SAMMSON: variants seen among roughly 807,000 people sequenced by gnomAD.
The protein encoded by SAMMSON is survival associated mitochondrial melanoma specific oncogenic non-coding RNA.
rs187753360 is a variant in SAMMSON at position 70,220,582 on chromosome 3, G to A, written n.508-28525G>A. 6.6e-5 allele frequency among the ~76,000 whole-genome samples: 10 copies of A among 152,268 alleles called. No individual in the cohort carries two copies. The East Asian group carries it at 1.7e-3, about 27-fold the overall frequency. ...TCAACATACAAAACTAACCCTGGTT[G>A]GAAACATAGTCAGGACCCAGGAAGT... is the stretch of plus-strand genomic sequence containing the variant. On this transcript the variant is annotated intron_variant and non_coding_transcript_variant, in intron 4 of 9. Coordinates refer to ENST00000642114, the Ensembl canonical transcript of SAMMSON.
At chr3:70,304,577 C>T (rs1257471952) in intron 7 of SAMMSON, among the ~76,000 whole-genome samples, 1 of 152,180 alleles carries the variant, frequency 6.6e-6, no homozygotes, top group Non-Finnish European at 1.5e-5. Flanking sequence ...CTTTGTATCA[C>T]CCCACACTAA....
intron 7 of SAMMSON, among the ~76,000 whole-genome samples, chr3:70,307,407 C>A (rs367614649): frequency 3.3e-5 from 5 of 152,064 alleles, no homozygotes; most frequent in African/African-American, 1.2e-4. Flanking sequence ...GTTTCTCTTC[C>A]GTATCAAATG....
chr3:70,192,832 A>G (rs1255505186), intron 4 of SAMMSON, among the ~76,000 whole-genome samples: 1 of 152,180 alleles, frequency 6.6e-6, no homozygotes, highest in Non-Finnish European at 1.5e-5. Context: ...TGGCAACTCT[A>G]TTTTCGACAG....
intron 7 of SAMMSON, among the ~76,000 whole-genome samples, chr3:70,300,035 C>T (rs1353005913): frequency 3.3e-5 from 5 of 152,100 alleles, no homozygotes; most frequent in African/African-American, 4.8e-5. Context: ...TGTATTGTTA[C>T]TGCCTATTGA....
intron 4 of SAMMSON, among the ~76,000 whole-genome samples, chr3:70,240,987 C>G (rs955413600): frequency 2.6e-5 from 4 of 152,148 alleles, no homozygotes; most frequent in Non-Finnish European, 5.9e-5. Context: ...TGGCCTTTCA[C>G]AGTCAAGGAT....
At chr3:70,219,572 T>C (rs1040918940) in intron 4 of SAMMSON, among the ~76,000 whole-genome samples, 2 of 152,134 alleles carry the variant, frequency 1.3e-5, no homozygotes, top group African/African-American at 4.8e-5. Flanking sequence ...TGAGAAATAA[T>C]CTTAAGGATC....
intron 6 of SAMMSON, among the ~76,000 whole-genome samples, chr3:70,273,588 A>G (rs139608316): frequency 1.0e-3 from 153 of 152,266 alleles, no homozygotes; most frequent in Admixed American, 2.0e-3. Flanking sequence ...AAAAAAAGAA[A>G]TGCAGGTCTT....
At chr3:70,419,180 A>G (rs1014654695) in intron 2 of SAMMSON, among the ~76,000 whole-genome samples, 16 of 151,462 alleles carry the variant, frequency 1.1e-4, no homozygotes, top group Non-Finnish European at 1.9e-4. Context: ...GTTTGCCACC[A>G]CGCATGGCTA....
chr3:70,428,525 T>C (rs1261323322), intron 2 of SAMMSON, among the ~76,000 whole-genome samples: 1 of 152,226 alleles, frequency 6.6e-6, no homozygotes, highest in African/African-American at 2.4e-5. Flanking sequence ...GATATCTATA[T>C]ATAAAAAAGA....
intron 4 of SAMMSON, among the ~76,000 whole-genome samples, chr3:70,187,776 C>T (rs1418999652): frequency 2.0e-5 from 3 of 152,108 alleles, no homozygotes; most frequent in Admixed American, 1.3e-4. Flanking sequence ...ATATGTAGTC[C>T]ATCAGACCAC....
intron 2 of SAMMSON, among the ~76,000 whole-genome samples, chr3:70,409,473 A>G (rs1701201520): frequency 1.3e-5 from 2 of 152,136 alleles, no homozygotes; most frequent in South Asian, 2.1e-4. Flanking sequence ...CTTAAAAAAA[A>G]AAAAAGAATT....
At chr3:70,141,505 G>A (rs141517552) in intron 4 of SAMMSON, among the ~76,000 whole-genome samples, 1 of 152,216 alleles carries the variant, frequency 6.6e-6, no homozygotes, top group African/African-American at 2.4e-5. Flanking sequence ...TGATTCAAAT[G>A]CTAATCTCTT....
chr3:70,126,550 G>A, intron 4 of SAMMSON: 1 of 551,220 alleles, frequency 1.8e-6, no homozygotes, highest in South Asian at 2.0e-5. Context: ...CCGAGGCAGG[G>A]AAAGTGGGGA....
chr3:70,010,454 A>T (rs995934048), intron 1 of SAMMSON, among the ~76,000 whole-genome samples: 1 of 152,078 alleles, frequency 6.6e-6, no homozygotes, highest in Non-Finnish European at 1.5e-5. Context: ...AGAGACTAGG[A>T]TTGCAACCTC....
chr3:70,274,455 A>AT (rs1409776737), intron 6 of SAMMSON, among the ~76,000 whole-genome samples: 3 of 151,648 alleles, frequency 2.0e-5, no homozygotes, highest in African/African-American at 7.3e-5. Flanking sequence ...TACAAGATAT[A>AT]TTTGAAAAGT....
chr3:70,254,769 A>T (rs1360969915), intron 6 of SAMMSON, among the ~76,000 whole-genome samples: 1 of 152,198 alleles, frequency 6.6e-6, no homozygotes, highest in Non-Finnish European at 1.5e-5. Flanking sequence ...ACCTCTCCAT[A>T]GTAACTAAAC....
chr3:70,101,939 T>G (rs182211089), intron 4 of SAMMSON, among the ~76,000 whole-genome samples: 253 of 152,334 alleles, frequency 1.7e-3, no homozygotes, highest in Admixed American at 6.3e-3. Context: ...ATACAAGTTA[T>G]GAAGGTTTGG....
intron 3 of SAMMSON, among the ~76,000 whole-genome samples, chr3:70,027,036 A>T (rs1173635536): frequency 6.6e-6 from 1 of 152,160 alleles, no homozygotes; most frequent in East Asian, 1.9e-4. Flanking sequence ...GGTTCTTTAA[A>T]ACCATTTTAA....
intron 9 of SAMMSON, among the ~76,000 whole-genome samples, chr3:70,359,546 G>A (rs1702856396): frequency 1.3e-5 from 2 of 152,104 alleles, no homozygotes; most frequent in Non-Finnish European, 2.9e-5. Flanking sequence ...ATCAGAAAGA[G>A]CGCTTAAATG....
Sources: allele counts gnomAD v4.1 joint callset (sites outside exome capture counted in the v4.1 genomes callset), GRCh38; gene constraint gnomAD v4.1.1; transcripts MANE v1.5; gene names NCBI Gene and HGNC (gene_info 2026-07-23, HGNC 2026-07-21).